The following KIRREL3 variants were observed in gnomAD, a reference collection of about 807,000 sequenced individuals.
KIRREL3 encodes the protein kin of IRRE-like protein 3.
Under a neutral mutation model 89.7 loss-of-function variants are expected in KIRREL3, and 36 were observed. That is an observed-to-expected ratio of 0.40 (90% CI 0.31 to 0.53). KIRREL3 has a LOEUF of 0.53. Among genes scored for constraint, KIRREL3 ranks in the 20% least tolerant of loss-of-function variants. The pLI, the probability that KIRREL3 is intolerant of heterozygous loss-of-function variation, is 0.49. For missense variants in KIRREL3, 864 were observed against 1,056.6 expected (o/e 0.82, Z 2.53); for synonymous variants, 445 against 441.4 (o/e 1.01, Z -0.10).
At chr11:126,869,025 C>T (rs1214175866) in intron 1 of KIRREL3, among the ~76,000 whole-genome samples, 1 of 152,174 alleles carries the variant, frequency 6.6e-6, no homozygotes, top group African/African-American at 2.4e-5. Flanking sequence ...AGTCCTAATA[C>T]TCCTAATCTC....
chr11:126,469,234 A>C lies in KIRREL3; in HGVS notation c.591+4075T>G, dbSNP rs373233415. The stretch of plus-strand genomic sequence containing the variant: ...GAGCCCACGGGGATAATCATCCACC[A>C]TGTGACAGCCACTGAGGGCGTCAGA... On this transcript the variant is annotated intron_variant, in intron 5 of 16. Coordinates refer to ENST00000525144, the MANE Select transcript of KIRREL3 (RefSeq NM_032531.4). Among the ~76,000 whole-genome samples the C allele has an allele frequency of 3.3e-5, 5 of 152,244 alleles. No individual in the cohort carries two copies. The South Asian group carries it at 8.3e-4, about 25-fold the overall frequency.
chr11:126,565,525 T>C lies in KIRREL3; in HGVS notation c.56-2613A>G, dbSNP rs1332687184. ...AGGCGGCTACGTTACAAGGCGCTAA[T>C]AAGCACACTGCAGAAATTTATTAAG... On this transcript the variant is annotated intron_variant, in intron 1 of 16. Transcript: ENST00000525144. This position sits in a 1 kb window ranked among gnomAD's most constrained non-coding sequence, Gnocchi z 5.4. Among the ~76,000 whole-genome samples the C allele has an allele frequency of 6.6e-6, 1 of 152,226 alleles. No individual in the cohort carries two copies. Among genetic ancestry groups the C allele is most frequent in the Non-Finnish European group, 1.5e-5 (1 of 68,040 alleles).
chr11:126,899,169 CTATATATA>C (rs145812391), intron 1 of KIRREL3, among the ~76,000 whole-genome samples: 9 of 150,412 alleles, frequency 6.0e-5, no homozygotes, highest in Non-Finnish European at 1.2e-4. Context: ...GGGAGATTTC[CTATATATA>C]TATATATGTT....
At chr11:126,604,086 A>G (rs1479786413) in intron 1 of KIRREL3, among the ~76,000 whole-genome samples, 1 of 151,820 alleles carries the variant, frequency 6.6e-6, no homozygotes, top group Non-Finnish European at 1.5e-5. Context: ...CCTCCCTTCT[A>G]TCCATTCAGT....
At chr11:126,863,914 G>A (rs892404167) in intron 1 of KIRREL3, among the ~76,000 whole-genome samples, 9 of 152,170 alleles carry the variant, frequency 5.9e-5, no homozygotes, top group Non-Finnish European at 1.0e-4. Context: ...AGCTTTCCTA[G>A]AGCCAGGGGG....
chr11:126,490,717 G>C lies in KIRREL3; in HGVS notation c.434-17251C>G, dbSNP rs1192197625. Among the ~76,000 whole-genome samples, 1 of 152,220 alleles carries C rather than the reference G, an allele frequency of 6.6e-6. No homozygotes were observed. Among genetic ancestry groups the C allele is most frequent in the Non-Finnish European group, 1.5e-5 (1 of 68,034 alleles). ...TGTGACGTCCCCAGAACAGGGCTCA[G>C]TGAATGCTCATTCCTTTTCTTGTCT... On this transcript the variant is annotated intron_variant, in intron 4 of 16. Coordinates refer to ENST00000525144, the MANE Select transcript of KIRREL3 (RefSeq NM_032531.4). The surrounding 1 kb of genome is among the most constrained non-coding windows in gnomAD (Gnocchi z 4.2).
chr11:126,839,362 A>C (rs1943887437), intron 1 of KIRREL3, among the ~76,000 whole-genome samples: 1 of 152,186 alleles, frequency 6.6e-6, no homozygotes, highest in South Asian at 2.1e-4. Context: ...CAACACGTGG[A>C]TGAAGATTAT....
chr11:126,809,576 G>A (rs1481399177), intron 1 of KIRREL3, among the ~76,000 whole-genome samples: 1 of 152,200 alleles, frequency 6.6e-6, no homozygotes. Flanking sequence ...TTTGTCTTTA[G>A]ACCAGTAACT....
intron 1 of KIRREL3, among the ~76,000 whole-genome samples, chr11:126,646,301 T>C (rs1322595066): frequency 3.0e-5 from 1 of 33,598 alleles, no homozygotes; most frequent in Admixed American, 4.6e-4. Flanking sequence ...ATTATTGTTA[T>C]TTATTTTGTT....
In KIRREL3 at chr11:126,919,882, A is replaced by T. The variant is rs140595594; in HGVS notation, c.55+80573T>A. Reference sequence around the variant, plus strand: ...GTAACAATAGTGTAACTGCACTACTACAGTATTAAGAGTAACAATATTGTT... The same window carrying T: ...GTAACAATAGTGTAACTGCACTACTTCAGTATTAAGAGTAACAATATTGTT... On this transcript the variant is annotated intron_variant, in intron 1 of 16. Coordinates refer to ENST00000525144, the MANE Select transcript of KIRREL3 (RefSeq NM_032531.4). Among the ~76,000 whole-genome samples the T allele has an allele frequency of 3.3e-3, 503 of 152,316 alleles. 3 individuals carry two copies. Among genetic ancestry groups the T allele is most frequent in the African/African-American group, 0.012 (483 of 41,576 alleles).
At chr11:126,731,430 C>A (rs1430266899) in intron 1 of KIRREL3, among the ~76,000 whole-genome samples, 1 of 152,220 alleles carries the variant, frequency 6.6e-6, no homozygotes, top group Non-Finnish European at 1.5e-5. Flanking sequence ...ATTTCCTGGA[C>A]AAAGCTTTCT....
Position 126,526,715 on chromosome 11 carries a change from G to A in KIRREL3, c.134-28C>T. The A allele has an allele frequency of 6.5e-7, 1 of 1,545,426 alleles. No individual in the cohort carries two copies. The highest frequency in any genetic ancestry group is 8.8e-7 in the Non-Finnish European group (1 of 1,141,460). ...GGGAAGGAGACAAACACAATGGTCAGTTATCTGCCGGCTACAGGGGCGAGA... is the reference window on the plus strand; with the variant it reads ...GGGAAGGAGACAAACACAATGGTCAATTATCTGCCGGCTACAGGGGCGAGA... On this transcript the variant is annotated intron_variant, in intron 2 of 16. Coordinates refer to ENST00000525144, the MANE Select transcript of KIRREL3 (RefSeq NM_032531.4). The surrounding 1 kb of genome is among the most constrained non-coding windows in gnomAD (Gnocchi z 5.7).
rs1038970100 is a variant in KIRREL3, at chr11:126,860,693, G to A, written c.55+139762C>T. ...GGCTTGGGGGGCTGTGTGTTTGAGA[G>A]ACTTCTTCCCAACCACAGGGTGGAG... On this transcript the variant is annotated intron_variant, in intron 1 of 16. Coordinates refer to ENST00000525144, the MANE Select transcript of KIRREL3 (RefSeq NM_032531.4). This position sits in a 1 kb window ranked among gnomAD's most constrained non-coding sequence, Gnocchi z 4.6. Among the ~76,000 whole-genome samples, 31 of 152,196 alleles carry A rather than the reference G, an allele frequency of 2.0e-4. No individual in the cohort carries two copies. Among genetic ancestry groups the A allele is most frequent in the African/African-American group, 3.6e-4 (15 of 41,438 alleles).
rs1304166057 is a variant in KIRREL3 at position 126,484,507 on chromosome 11, GCC to G, written c.434-11043_434-11042del. Among the ~76,000 whole-genome samples, 2 of 152,196 alleles carry G rather than the reference GCC, an allele frequency of 1.3e-5. No homozygotes were observed. Among genetic ancestry groups the G allele is most frequent in the Non-Finnish European group, 1.5e-5 (1 of 68,038 alleles). Reference sequence around the variant, plus strand: ...CAGCCACAAAGTAGTCAAGTTACTTGCCCAACATCACATAGCTAGTAAGCAGC... The same window carrying G: ...CAGCCACAAAGTAGTCAAGTTACTTGCAACATCACATAGCTAGTAAGCAGC... On this transcript the variant is annotated intron_variant, in intron 4 of 16. Transcript: ENST00000525144. The surrounding 1 kb of genome is among the most constrained non-coding windows in gnomAD (Gnocchi z 5.2).
chr11:126,916,666 T>C (rs897268559), intron 1 of KIRREL3, among the ~76,000 whole-genome samples: 1 of 152,172 alleles, frequency 6.6e-6, no homozygotes, highest in African/African-American at 2.4e-5. Flanking sequence ...CTAATGTAGA[T>C]CACGGGACAG....
Position 126,955,526 on chromosome 11 carries a change from T to C in KIRREL3, c.55+44929A>G, listed in dbSNP as rs1793670. Among the ~76,000 whole-genome samples, 136,483 of 152,226 alleles carry C rather than the reference T, an allele frequency of 0.9. 61,351 individuals carry two copies. The highest frequency in any genetic ancestry group is 0.96 in the Middle Eastern group (283 of 294). ...AGGTGGTCTGATGTGGATTCCAGGG[T>C]GAAGGTGGTTTGTCCTCCAGTGTGT... On this transcript the variant is annotated intron_variant, in intron 1 of 16. Transcript: ENST00000525144. This position sits in a 1 kb window ranked among gnomAD's most constrained non-coding sequence, Gnocchi z 4.6.
rs1056112135 is a variant in KIRREL3 at position 126,897,548 on chromosome 11, T to C, written c.55+102907A>G. On this transcript the variant is annotated intron_variant, in intron 1 of 16. Transcript: ENST00000525144. This position sits in a 1 kb window ranked among gnomAD's most constrained non-coding sequence, Gnocchi z 4.2. ...ACAGGAAACCAGCTCCCACAGAGGG[T>C]TAAAGGCACAGCATCCTCCTGTTTG... is the stretch of plus-strand genomic sequence containing the variant. 6.6e-6 allele frequency among the ~76,000 whole-genome samples: 1 copy of C among 151,998 alleles called. No individual in the cohort carries two copies. Among genetic ancestry groups the C allele is most frequent in the African/African-American group, 2.4e-5 (1 of 41,374 alleles).
In KIRREL3 at chr11:126,788,697, G is replaced by A. The variant is rs1054079228; in HGVS notation, c.55+211758C>T. On this transcript the variant is annotated intron_variant, in intron 1 of 16. Transcript: ENST00000525144. This position sits in a 1 kb window ranked among gnomAD's most constrained non-coding sequence, Gnocchi z 4.1. ...GTCCTCCACATTATAGACCACAAAG[G>A]CCCTACAATTGCTATCAAAGGAACT... is the stretch of plus-strand genomic sequence containing the variant. 6.6e-6 allele frequency among the ~76,000 whole-genome samples: 1 copy of A among 152,094 alleles called. No individual in the cohort carries two copies. Among genetic ancestry groups the A allele is most frequent in the African/African-American group, 2.4e-5 (1 of 41,420 alleles).
chr11:126,923,482 C>T (rs1226677842), intron 1 of KIRREL3, among the ~76,000 whole-genome samples: 3 of 133,824 alleles, frequency 2.2e-5, no homozygotes, highest in Admixed American at 8.2e-5. Context: ...CTCGCACTAT[C>T]GCCCAGGCTG....
Sources: allele counts gnomAD v4.1 joint callset (sites outside exome capture counted in the v4.1 genomes callset), GRCh38; gene constraint gnomAD v4.1.1; non-coding constraint Gnocchi (gnomAD v3.1); transcripts MANE v1.5; gene names NCBI Gene and HGNC (gene_info 2026-07-23, HGNC 2026-07-21).